ATP9B: variants seen among roughly 807,000 people sequenced by gnomAD.
ATP9B encodes probable phospholipid-transporting ATPase IIB.
Under a neutral mutation model 146.1 loss-of-function variants are expected in ATP9B, and 110 were observed. The ratio of observed to expected loss-of-function variants is 0.75; its 90% CI spans 0.65 to 0.88. ATP9B has a LOEUF of 0.88. Among genes scored for constraint, ATP9B ranks in the 40% least tolerant of loss-of-function variants. ATP9B has a pLI of 0.00. For synonymous variants in ATP9B, 604 were observed against 569.7 expected, an observed-to-expected ratio of 1.06 and a Z score of -0.86; for missense variants, 1,499 against 1,496.4, an observed-to-expected ratio of 1.00 and a Z score of -0.03.
chr18:79,143,542 ATCT>A (rs1359469879), intron 5 of ATP9B, among the ~76,000 whole-genome samples: 2 of 152,184 alleles, frequency 1.3e-5, no homozygotes, highest in Non-Finnish European at 2.9e-5. Context: ...CATGGGAATA[ATCT>A]TCTGAGTGTA....
At chr18:79,157,763 A>G (rs1224010115) in intron 7 of ATP9B, among the ~76,000 whole-genome samples, 1 of 152,122 alleles carries the variant, frequency 6.6e-6, no homozygotes, top group Non-Finnish European at 1.5e-5. Flanking sequence ...TATCTAATCC[A>G]CTTTATCTAG....
At chr18:79,255,665 T>TGAGCCCCTCCTGACACTGCAGC (rs1481633141) in intron 12 of ATP9B, among the ~76,000 whole-genome samples, 4 of 152,330 alleles carry the variant, frequency 2.6e-5, no homozygotes, top group African/African-American at 9.6e-5. Context: ...AGAGCTGCAG[T>TGAGCCCCTCCTGACACTGCAGC]GAGCCCCTCC....
At chr18:79,327,428 C>T (rs1238704097) in intron 15 of ATP9B, among the ~76,000 whole-genome samples, 3 of 151,616 alleles carry the variant, frequency 2.0e-5, no homozygotes, top group East Asian at 1.9e-4. Context: ...TTGCAGAGAG[C>T]GTGCTCTCCA....
intron 2 of ATP9B, among the ~76,000 whole-genome samples, chr18:79,097,417 CTCT>C (rs943721484): frequency 2.6e-4 from 39 of 150,772 alleles, no homozygotes; most frequent in African/African-American, 9.2e-4. Context: ...TACTTCATTC[CTCT>C]TCTTAATTCT....
Position 79,337,452 on chromosome 18 carries a change from A to C in ATP9B, c.2283+3A>C, listed in dbSNP as rs2096833843. 3.7e-6 allele frequency: 6 copies of C among 1,608,024 alleles called. No individual in the cohort carries two copies. Among genetic ancestry groups the C allele is most frequent in the Non-Finnish European group, 4.2e-6 (5 of 1,179,078 alleles). On this transcript the variant is annotated splice_donor_region_variant and intron_variant, in intron 19 of 29. Transcript: ENST00000426216. Reference sequence around the variant, plus strand: ...TGCTGCGCAACGCCGGGATCAAGGTACTGCAGGCTCACCTCTGCTGGCGCG... The same window carrying C: ...TGCTGCGCAACGCCGGGATCAAGGTCCTGCAGGCTCACCTCTGCTGGCGCG...
chr18:79,295,336 T>TA (rs1233749806), intron 13 of ATP9B, among the ~76,000 whole-genome samples: 45 of 152,260 alleles, frequency 3.0e-4, no homozygotes, highest in Admixed American at 3.9e-4. Context: ...ATAACCATCT[T>TA]ACTCATTGAT....
At chr18:79,194,530 A>G (rs2095400486) in intron 9 of ATP9B, 1 of 152,258 alleles carries the variant, frequency 6.6e-6, no homozygotes, top group East Asian at 1.9e-4. Context: ...CTAGAAAGGT[A>G]TCAGTGGCTT....
intron 4 of ATP9B, among the ~76,000 whole-genome samples, chr18:79,116,940 T>TAAAAAAAAAAAAAAAAAAAAAAAAAAATA (rs377608135): frequency 2.8e-5 from 3 of 106,798 alleles, no homozygotes; most frequent in Non-Finnish European, 3.8e-5. Context: ...AAAAAAAAAT[T>TAAAAAAAAAAAAAAAAAAAAAAAAAAATA]AAAAAAAAAA....
At chr18:79,347,688 G>C in intron 23 of ATP9B, 82 bp from the exon 24 acceptor site, 1 of 1,421,970 alleles carries the variant, frequency 7.0e-7, no homozygotes. Context: ...GTAACATTTA[G>C]GCTGAGTTCT....
rs147810207 is a variant in ATP9B at position 79,157,207 on chromosome 18, TACACACACACAC to T, written c.778+2681_778+2692del. Among the ~76,000 whole-genome samples, 319 of 135,376 alleles carry T rather than the reference TACACACACACAC, an allele frequency of 2.4e-3. 1 individual carries two copies. The highest frequency in any genetic ancestry group is 5.8e-3 in the East Asian group (27 of 4,670). The allele number at this position is 135,376 out of a possible 152,430, so 88.8% of individuals were successfully genotyped here. Reference sequence around the variant, plus strand: ...AAAACCCCGTCTCTACTAAAAAAAATACACACACACACACACACACACACACACACACACACA... The same window carrying T: ...AAAACCCCGTCTCTACTAAAAAAAATACACACACACACACACACACACACA... On this transcript the variant is annotated intron_variant, in intron 7 of 29. Coordinates refer to ENST00000426216, the MANE Select transcript of ATP9B (RefSeq NM_198531.5).
At chr18:79,091,641 A>G (rs144998805) in intron 1 of ATP9B, among the ~76,000 whole-genome samples, 15 of 152,356 alleles carry the variant, frequency 9.8e-5, no homozygotes, top group African/African-American at 2.4e-4. Flanking sequence ...GTATCCTGCA[A>G]CTACTGAATT....
intron 15 of ATP9B, among the ~76,000 whole-genome samples, chr18:79,320,405 A>G (rs1211460167): frequency 6.6e-6 from 1 of 152,150 alleles, no homozygotes; most frequent in Admixed American, 6.5e-5. Context: ...CGAAAGTAAG[A>G]CTGCCTGGTG....
rs1455890647 is a variant in ATP9B at position 79,222,755 on chromosome 18, A to T, written c.1107+8717A>T. On this transcript the variant is annotated intron_variant, in intron 11 of 29. Coordinates refer to ENST00000426216, the MANE Select transcript of ATP9B (RefSeq NM_198531.5). Reference sequence around the variant, plus strand: ...CTCAAAGTTTGAAAATTTTAAGACTAAACAAAAGTTTTTATTACTAAGGAA... The same window carrying T: ...CTCAAAGTTTGAAAATTTTAAGACTTAACAAAAGTTTTTATTACTAAGGAA... 2.0e-5 allele frequency among the ~76,000 whole-genome samples: 3 copies of T among 151,938 alleles called. No homozygotes were observed. In the East Asian group the frequency reaches 5.8e-4, roughly 29 times the overall value.
At chr18:79,098,693 C>G (rs8094013) in intron 2 of ATP9B, among the ~76,000 whole-genome samples, 9,253 of 152,192 alleles carry the variant, frequency 0.061, 365 homozygotes, top group Non-Finnish European at 0.092. Context: ...AACATTGATA[C>G]AATGCTTTGT....
Position 79,359,434 on chromosome 18 carries a change from A to G in ATP9B, c.2984A>G (p.Tyr995Cys). 1 of 1,613,916 alleles carries G rather than the reference A, an allele frequency of 6.2e-7. No individual in the cohort carries two copies. The highest frequency in any genetic ancestry group is 8.5e-7 in the Non-Finnish European group (1 of 1,179,872). The change falls in exon 26 of 30, where the codon TAC (tyrosine) becomes TGC (cysteine). Residue 995 changes from tyrosine to cysteine, a missense_variant. Transcript: ENST00000426216. ...QDVKPEMAML[Y>C]PELYKDLTKG... ...GTGAAGCCAGAGATGGCGATGCTCT[A>G]CCCGGAGCTGTACAAGGACCTCACC...
intron 11 of ATP9B, among the ~76,000 whole-genome samples, chr18:79,251,416 A>G (rs752140426): frequency 2.6e-5 from 4 of 152,244 alleles, no homozygotes; most frequent in Non-Finnish European, 5.9e-5. Context: ...AAAACTTACT[A>G]TTTTATGATT....
chr18:79,164,140 G>C (rs745406021), intron 7 of ATP9B, among the ~76,000 whole-genome samples: 4 of 152,078 alleles, frequency 2.6e-5, no homozygotes, highest in Admixed American at 1.3e-4. Context: ...GCCCAAGCTG[G>C]TCTTGCACTT....
chr18:79,159,664 C>T (rs903582373), intron 7 of ATP9B, among the ~76,000 whole-genome samples: 1 of 152,174 alleles, frequency 6.6e-6, no homozygotes, highest in African/African-American at 2.4e-5. Flanking sequence ...CGTGTCTCTA[C>T]CCAGTCACCA....
intron 8 of ATP9B, among the ~76,000 whole-genome samples, chr18:79,187,288 A>G (rs2095316345): frequency 6.6e-6 from 1 of 152,186 alleles, no homozygotes; most frequent in Admixed American, 6.5e-5. Flanking sequence ...ACAGTAGCCC[A>G]GGTGGGTGGT....
Sources: gnomAD v4.1 joint callset for allele counts (sites outside exome capture counted in the v4.1 genomes callset) on GRCh38, gnomAD v4.1.1 for gene constraint, MANE v1.5 for transcripts, NCBI Gene and HGNC (gene_info 2026-07-23, HGNC 2026-07-21) for gene names.